The following UNC5A variants were observed in gnomAD, a reference collection of about 807,000 sequenced individuals.
UNC5A encodes the protein netrin receptor UNC5A.
UNC5A carries 20 observed loss-of-function variants against 87.4 expected under a neutral mutation model. The ratio of observed to expected loss-of-function variants is 0.23; its 90% CI spans 0.16 to 0.33. The LOEUF (loss-of-function observed/expected upper bound fraction) is 0.33. Among genes scored for constraint, UNC5A ranks in the 10% least tolerant of loss-of-function variants. The pLI, the probability that UNC5A is intolerant of heterozygous loss-of-function variation, is 1.00. For synonymous variants in UNC5A, 438 were observed against 482.3 expected (o/e 0.91, Z 1.20); for missense variants, 844 against 1,133.4 (o/e 0.74, Z 3.67).
chr5:176,837,810 C>A (rs552166879), intron 1 of UNC5A, among the ~76,000 whole-genome samples: 1 of 151,650 alleles, frequency 6.6e-6, no homozygotes, highest in African/African-American at 2.4e-5. Flanking sequence ...CCACAGATAG[C>A]GGTCCTGGAC....
At chr5:176,835,403 T>C (rs2113613457) in intron 1 of UNC5A, among the ~76,000 whole-genome samples, 1 of 152,354 alleles carries the variant, frequency 6.6e-6, no homozygotes. Context: ...GGCCTGCCTG[T>C]GGCTGGGAGA....
At chr5:176,857,636 C>T (rs966056440) in intron 1 of UNC5A, among the ~76,000 whole-genome samples, 7 of 152,216 alleles carry the variant, frequency 4.6e-5, no homozygotes, top group African/African-American at 1.4e-4. Flanking sequence ...CGAGCAGGGG[C>T]ACCAGCTCCA....
chr5:176,847,672 T>C (rs1757444841), intron 1 of UNC5A, among the ~76,000 whole-genome samples: 1 of 151,672 alleles, frequency 6.6e-6, no homozygotes, highest in South Asian at 2.1e-4. Context: ...TCCAGCCCGA[T>C]AGCCATAAAT....
At chr5:176,830,155 G>A (rs1490253790) in intron 1 of UNC5A, among the ~76,000 whole-genome samples, 5 of 152,128 alleles carry the variant, frequency 3.3e-5, no homozygotes, top group Admixed American at 6.6e-5. Context: ...CATGAGAACC[G>A]CTCTAAGGGG....
intron 5 of UNC5A, 27 bp from the exon 6 acceptor site, chr5:176,870,343 T>A: frequency 6.2e-7 from 1 of 1,607,896 alleles, no homozygotes; most frequent in South Asian, 1.1e-5. Flanking sequence ...GACCGCACCG[T>A]CTCCTCTCTG....
rs903135634 is a variant in UNC5A, at chr5:176,870,659, C to A, written c.886+125C>A. ...GCTGTAGCCTCTCCAGGCTCAGGAC[C>A]CACTGAGATCCCCCTCATCCTTAGC... is the stretch of plus-strand genomic sequence containing the variant. On this transcript the variant is annotated intron_variant, in intron 6 of 14. Coordinates refer to ENST00000329542, the MANE Select transcript of UNC5A (RefSeq NM_133369.3). 37 of 1,092,188 alleles carry A rather than the reference C, an allele frequency of 3.4e-5. No individual in the cohort carries two copies. In the Admixed American group the frequency reaches 5.8e-4, roughly 17 times the overall value. The allele number at this position is 1,092,188 out of a possible 1,614,324, so 67.7% of individuals were successfully genotyped here.
Position 176,874,363 on chromosome 5 carries a change from T to C in UNC5A, c.1175T>C (p.Phe392Ser), listed in dbSNP as rs767049465. The part of the protein sequence containing the change: ...CPRQDGPSPK[F>S]QLTNGHLLSP... Reference sequence around the variant, plus strand: ...CGGCAGGATGGGCCCAGCCCCAAGTTCCAGCTCACCAATGGGCACCTGCTC... The same window carrying C: ...CGGCAGGATGGGCCCAGCCCCAAGTCCCAGCTCACCAATGGGCACCTGCTC... Residue 392 changes from phenylalanine to serine, a missense_variant, in exon 8 of 15, where the codon TTC (phenylalanine) becomes TCC (serine). By Grantham distance (155) the Phe-to-Ser change is radical. Around this residue, in one of 3 missense-constraint regions of UNC5A, gnomAD observed 353 missense variants for 387.5 expected, o/e 0.91. Coordinates refer to ENST00000329542, the MANE Select transcript of UNC5A (RefSeq NM_133369.3). This position sits in a 1 kb window ranked among gnomAD's most constrained non-coding sequence, Gnocchi z 7.6. 6.2e-7 allele frequency: 1 copy of C among 1,613,612 alleles called. No homozygotes were observed. Among genetic ancestry groups the C allele is most frequent in the Non-Finnish European group, 8.5e-7 (1 of 1,179,908 alleles).
At chr5:176,839,404 C>T (rs1022789242) in intron 1 of UNC5A, among the ~76,000 whole-genome samples, 1 of 152,230 alleles carries the variant, frequency 6.6e-6, no homozygotes, top group Non-Finnish European at 1.5e-5. Context: ...GGACATGCCT[C>T]CCAGGGCCCA....
intron 1 of UNC5A, among the ~76,000 whole-genome samples, chr5:176,823,387 C>T (rs111663433): frequency 2.3e-4 from 35 of 152,120 alleles, no homozygotes; most frequent in Non-Finnish European, 4.4e-4. Context: ...GCTCTGGTCA[C>T]GTGAAGCCAA....
At chr5:176,877,461 C>A in intron 9 of UNC5A, 74 bp from the exon 10 acceptor site, 1 of 1,502,358 alleles carries the variant, frequency 6.7e-7, no homozygotes, top group Non-Finnish European at 9.0e-7. Context: ...GCTGCCCTGC[C>A]CTTGGCCTAG....
rs901134044 is a variant in UNC5A at position 176,879,219 on chromosome 5, G to C, written c.2185-91G>C. The stretch of plus-strand genomic sequence containing the variant: ...GTGCTCATGCCGCCCCCATGCTCTG[G>C]GGGAGTCTGGGAGCTCCCCCAGCAG... On this transcript the variant is annotated intron_variant, in intron 13 of 14. Transcript: ENST00000329542. The C allele has an allele frequency of 4.8e-6, 7 of 1,444,786 alleles. No homozygotes were observed. In the African/African-American group the frequency reaches 8.6e-5, roughly 18 times the overall value. The allele number at this position is 1,444,786 out of a possible 1,614,324, so 89.5% of individuals were successfully genotyped here. A position where few individuals can be genotyped will look rare whatever the true frequency, so the allele number is the denominator to read the frequency against.
chr5:176,873,261 G>T (rs932654701), intron 6 of UNC5A, among the ~76,000 whole-genome samples: 1 of 152,024 alleles, frequency 6.6e-6, no homozygotes, highest in African/African-American at 2.4e-5. Context: ...TGGGAATGCC[G>T]GGCTTGTGAG....
At chr5:176,839,287 G>A (rs771380448) in intron 1 of UNC5A, among the ~76,000 whole-genome samples, 99 of 152,378 alleles carry the variant, frequency 6.5e-4, no homozygotes, top group Non-Finnish European at 6.8e-4. Flanking sequence ...AGGTAGGGGG[G>A]CCAAGGCCAC....
rs1303966136 is a variant in UNC5A, at chr5:176,865,777, G to A, written c.293-2353G>A. On this transcript the variant is annotated intron_variant, in intron 2 of 14. Transcript: ENST00000329542. This position sits in a 1 kb window ranked among gnomAD's most constrained non-coding sequence, Gnocchi z 5.3. ...CTGCAGCCCACTCATTCATGTGTGGGGCTGGAGGTGGCCGGATGGACACCC... is the reference window on the plus strand; with the variant it reads ...CTGCAGCCCACTCATTCATGTGTGGAGCTGGAGGTGGCCGGATGGACACCC... 4 of 422,346 alleles carry A rather than the reference G, an allele frequency of 9.5e-6. No homozygotes were observed. The highest frequency in any genetic ancestry group is 1.9e-5 in the Non-Finnish European group (4 of 209,480). 26.2% of individuals were successfully genotyped at this position (422,346 alleles called of 1,614,324 possible). A position where few individuals can be genotyped will look rare whatever the true frequency, so the allele number is the denominator to read the frequency against.
At chr5:176,834,665 T>TTCTCTC (rs369472376) in intron 1 of UNC5A, among the ~76,000 whole-genome samples, 23,966 of 101,086 alleles carry the variant, frequency 0.24, 3,845 homozygotes, top group Admixed American at 0.35. Flanking sequence ...ACGTCCCGTC[T>TTCTCTC]TCTCTCTCTC....
rs537217295 is a variant in UNC5A, at chr5:176,841,264, G to A, written c.71-21360G>A. Among the ~76,000 whole-genome samples, 54 of 152,316 alleles carry A rather than the reference G, an allele frequency of 3.5e-4. 1 individual carries two copies. Among genetic ancestry groups the A allele is most frequent in the Middle Eastern group, 3.4e-3 (1 of 294 alleles). On this transcript the variant is annotated intron_variant, in intron 1 of 14. Coordinates refer to ENST00000329542, the MANE Select transcript of UNC5A (RefSeq NM_133369.3). The surrounding 1 kb of genome is among the most constrained non-coding windows in gnomAD (Gnocchi z 4.1). ...AGTGACACAGGTGATTGTGGGTGCCGTTTGCAGACAGAGCTGTGCCAGAGT... is the reference window on the plus strand; with the variant it reads ...AGTGACACAGGTGATTGTGGGTGCCATTTGCAGACAGAGCTGTGCCAGAGT...
At chr5:176,876,348 G>C (rs1212863895) in intron 8 of UNC5A, among the ~76,000 whole-genome samples, 1 of 152,208 alleles carries the variant, frequency 6.6e-6, no homozygotes, top group Non-Finnish European at 1.5e-5. Flanking sequence ...CTGCCCACGA[G>C]GGAGTGTGCA....
intron 1 of UNC5A, among the ~76,000 whole-genome samples, chr5:176,830,520 G>A (rs983948763): frequency 3.3e-5 from 5 of 149,712 alleles, no homozygotes; most frequent in Non-Finnish European, 4.4e-5. Context: ...GCTGGCATGT[G>A]TGTGTGTGGG....
chr5:176,819,563 T>C (rs1016817524), intron 1 of UNC5A, among the ~76,000 whole-genome samples: 2 of 152,096 alleles, frequency 1.3e-5, no homozygotes, highest in African/African-American at 4.8e-5. Flanking sequence ...TGCCAGGAGC[T>C]TCCGGGACTA....
Sources: allele counts gnomAD v4.1 joint callset (sites outside exome capture counted in the v4.1 genomes callset), GRCh38; gene constraint gnomAD v4.1.1; regional missense constraint gnomAD v4.1.1; non-coding constraint Gnocchi (gnomAD v3.1); transcripts MANE v1.5; gene names NCBI Gene and HGNC (gene_info 2026-07-23, HGNC 2026-07-21).